CSGALNACT1: variants seen among roughly 807,000 people sequenced by gnomAD.
CSGALNACT1 encodes the protein beta4GalNAcT-1.
CSGALNACT1 carries 52 observed loss-of-function variants against 51.0 expected under a neutral mutation model. The ratio of observed to expected loss-of-function variants is 1.02; its 90% CI spans 0.82 to 1.29. The LOEUF (loss-of-function observed/expected upper bound fraction) is 1.29, where lower values mean the gene tolerates loss of function less well. CSGALNACT1 is among the 50% of genes most tolerant of loss of function. The probability of loss-of-function intolerance (pLI) is 0.00; values close to 1 mark genes in which losing one functional copy is unlikely to be tolerated. For missense variants in CSGALNACT1, 935 were observed against 679.2 expected, an observed-to-expected ratio of 1.38 and a Z score of -4.19; for synonymous variants, 341 against 254.4, an observed-to-expected ratio of 1.34 and a Z score of -3.24.
rs144627035 is a variant in CSGALNACT1 at position 19,566,511 on chromosome 8, G to C, written c.-297+24649C>G. On this transcript the variant is annotated intron_variant, in intron 3 of 9. Coordinates refer to ENST00000454498, the Ensembl canonical transcript of CSGALNACT1. ...AGGAAACCAACACGCACACTTAATG[G>C]ACTGCTTAATATGTGCTACACATTA... Among the ~76,000 whole-genome samples the C allele has an allele frequency of 9.4e-3, 1,427 of 152,208 alleles. 22 individuals are homozygous for C. The highest frequency in any genetic ancestry group is 0.032 in the African/African-American group (1,332 of 41,508).
intron 1 of CSGALNACT1, among the ~76,000 whole-genome samples, chr8:19,660,700 TC>T (rs2058678057): frequency 6.6e-6 from 1 of 152,086 alleles, no homozygotes; most frequent in Non-Finnish European, 1.5e-5. Context: ...ACAGGCACAT[TC>T]TCAGAGCCTA....
chr8:19,701,158 T>TTTTTTTTTG (rs1208254380), intron 1 of CSGALNACT1, among the ~76,000 whole-genome samples: 1 of 140,038 alleles, frequency 7.1e-6, no homozygotes, highest in Non-Finnish European at 1.6e-5. Context: ...TATCCGTTTT[T>TTTTTTTTTG]TTTTTTTTTT....
At chr8:19,406,574 C>T (rs2054217453) in intron 9 of CSGALNACT1, among the ~76,000 whole-genome samples, 2 of 127,116 alleles carry the variant, frequency 1.6e-5, no homozygotes, top group African/African-American at 6.0e-5. Context: ...ATCAAAACAT[C>T]ACATGTACCC....
chr8:19,683,805 GTA>G (rs769432143), upstream of CSGALNACT1, among the ~76,000 whole-genome samples: 7 of 148,866 alleles, frequency 4.7e-5, no homozygotes, highest in East Asian at 3.9e-4. Flanking sequence ...AGTCAAGAAA[GTA>G]TTTTTTTTTT....
At chr8:19,652,792 T>C (rs542835604) in intron 1 of CSGALNACT1, among the ~76,000 whole-genome samples, 53 of 152,304 alleles carry the variant, frequency 3.5e-4, no homozygotes, top group African/African-American at 1.1e-3. Context: ...TAGATATTTC[T>C]CTGCTATTAA....
intron 1 of CSGALNACT1, among the ~76,000 whole-genome samples, chr8:19,608,955 T>C (rs945588806): frequency 2.0e-5 from 3 of 152,210 alleles, no homozygotes; most frequent in African/African-American, 4.8e-5. Context: ...CCAAATGGTC[T>C]CTCATTATCT....
intron 3 of CSGALNACT1, among the ~76,000 whole-genome samples, chr8:19,583,473 A>T (rs1476226513): frequency 6.6e-6 from 1 of 152,180 alleles, no homozygotes; most frequent in Non-Finnish European, 1.5e-5. Flanking sequence ...ATGCAAAATT[A>T]TGGCCTATAT....
chr8:19,594,887 G>T (rs1362743331), intron 2 of CSGALNACT1, among the ~76,000 whole-genome samples: 1 of 151,904 alleles, frequency 6.6e-6, no homozygotes, highest in African/African-American at 2.4e-5. Flanking sequence ...CTACTGTCAG[G>T]ACCTTTACTC....
chr8:19,468,239 A>C (rs1393137891), intron 4 of CSGALNACT1, among the ~76,000 whole-genome samples: 1 of 152,198 alleles, frequency 6.6e-6, no homozygotes, highest in Non-Finnish European at 1.5e-5. Flanking sequence ...CAGAGCGAGC[A>C]TTTTAAGGAA....
chr8:19,692,692 A>G (rs1200999618), intron 1 of CSGALNACT1, among the ~76,000 whole-genome samples: 1 of 152,202 alleles, frequency 6.6e-6, no homozygotes, highest in Non-Finnish European at 1.5e-5. Context: ...ATGGTAATGG[A>G]AATTTCCATC....
At chr8:19,718,254 C>T (rs1299726380) in intron 1 of CSGALNACT1, among the ~76,000 whole-genome samples, 1 of 152,130 alleles carries the variant, frequency 6.6e-6, no homozygotes, top group East Asian at 1.9e-4. Context: ...CTGCCACACC[C>T]CTCTAATTTT....
chr8:19,616,906 G>C (rs1374681536), intron 1 of CSGALNACT1, among the ~76,000 whole-genome samples: 1 of 152,176 alleles, frequency 6.6e-6, no homozygotes, highest in African/African-American at 2.4e-5. Context: ...CGGGGGTGGG[G>C]CAGGGTTGGG....
At chr8:19,708,752 A>G (rs1452813885) in intron 1 of CSGALNACT1, among the ~76,000 whole-genome samples, 2 of 152,126 alleles carry the variant, frequency 1.3e-5, no homozygotes, top group Non-Finnish European at 2.9e-5. Flanking sequence ...GGGACTGTTT[A>G]AACCAACAAG....
intron 1 of CSGALNACT1, among the ~76,000 whole-genome samples, chr8:19,691,039 T>G (rs1434772180): frequency 6.6e-6 from 1 of 152,058 alleles, no homozygotes; most frequent in Non-Finnish European, 1.5e-5. Flanking sequence ...CTGCAGTGAG[T>G]GGCAATTGCA....
intron 1 of CSGALNACT1, among the ~76,000 whole-genome samples, chr8:19,717,805 G>A (rs1317750289): frequency 9.2e-5 from 14 of 152,164 alleles, no homozygotes; most frequent in Admixed American, 9.2e-4. Context: ...TGTAACCCTA[G>A]TCTTGGCTAG....
At chr8:19,469,320 G>C (rs2067518137) in intron 4 of CSGALNACT1, among the ~76,000 whole-genome samples, 1 of 152,182 alleles carries the variant, frequency 6.6e-6, no homozygotes, top group Non-Finnish European at 1.5e-5. Flanking sequence ...GAGCCCAGGA[G>C]ATCGAGGCTA....
At chr8:19,606,893 C>T (rs2051451524), upstream of CSGALNACT1, among the ~76,000 whole-genome samples, 1 of 152,174 alleles carries the variant, frequency 6.6e-6, no homozygotes, top group South Asian at 2.1e-4. Context: ...CGGTGGCTCA[C>T]ACCTGTAATC....
intron 1 of CSGALNACT1, among the ~76,000 whole-genome samples, chr8:19,622,186 T>A (rs144069732): frequency 2.0e-5 from 3 of 152,334 alleles, no homozygotes; most frequent in African/African-American, 4.8e-5. Context: ...CTCAATGTCT[T>A]CCTCCAGGTC....
intron 3 of CSGALNACT1, among the ~76,000 whole-genome samples, chr8:19,523,237 T>A (rs2081068085): frequency 6.6e-6 from 1 of 152,130 alleles, no homozygotes; most frequent in African/African-American, 2.4e-5. Context: ...TGTAAGATGT[T>A]CCTCAACAGC....
Sources: allele counts gnomAD v4.1 joint callset (sites outside exome capture counted in the v4.1 genomes callset), GRCh38; gene constraint gnomAD v4.1.1; transcripts MANE v1.5; gene names NCBI Gene and HGNC (gene_info 2026-07-23, HGNC 2026-07-21).